Variants in SDK1 observed in about 807,000 individuals in gnomAD.
SDK1 encodes protein sidekick-1.
In SDK1, 157 loss-of-function variants were observed where a neutral mutation model predicts 245.5. That is an observed-to-expected ratio of 0.64 (90% confidence interval 0.56 to 0.73). The LOEUF (loss-of-function observed/expected upper bound fraction) is 0.73. Ranked by LOEUF, SDK1 falls within the 30% of genes least tolerant of loss-of-function variation. The pLI is 0.00. For synonymous variants in SDK1, 1,647 were observed against 1,278.5 expected, an observed-to-expected ratio of 1.29 and a Z score of -6.15; for missense variants, 3,583 against 3,002.3, an observed-to-expected ratio of 1.19 and a Z score of -4.52.
At chr7:4,137,468 T>C (rs993838954) in intron 28 of SDK1, among the ~76,000 whole-genome samples, 4 of 152,208 alleles carry the variant, frequency 2.6e-5, no homozygotes, top group African/African-American at 9.7e-5. Flanking sequence ...TGGACGGTTC[T>C]GGAACTTGTC....
At position 4,208,387 on chromosome 7, in the gene SDK1, C is replaced by T. The variant is rs536007486; in HGVS notation, c.5401+102C>T. 27 of 1,024,136 alleles carry T rather than the reference C, an allele frequency of 2.6e-5. No individual in the cohort carries two copies. The East Asian group carries it at 2.8e-4, about 11-fold the overall frequency. The allele number at this position is 1,024,136 out of a possible 1,614,324, so 63.4% of individuals were successfully genotyped here. A position where few individuals can be genotyped will look rare whatever the true frequency, so the allele number is the denominator to read the frequency against. On this transcript the variant is annotated intron_variant, in intron 37 of 44. Coordinates refer to ENST00000404826, the MANE Select transcript of SDK1 (RefSeq NM_152744.4). ...CACAGTGGTTCCCGGCCCGCCCAGG[C>T]GGAAGGCAACACCTTTTGAGTAGCT...
chr7:3,859,648 C>G (rs1780638906), intron 5 of SDK1, among the ~76,000 whole-genome samples: 1 of 152,172 alleles, frequency 6.6e-6, no homozygotes. Flanking sequence ...AAAATTCCTT[C>G]TCTTTTGTCT....
At chr7:3,430,941 C>A (rs1338819912) in intron 1 of SDK1, among the ~76,000 whole-genome samples, 1 of 152,224 alleles carries the variant, frequency 6.6e-6, no homozygotes, top group Non-Finnish European at 1.5e-5. Flanking sequence ...CGCTCTGTTG[C>A]TCAGGATGGA....
intron 5 of SDK1, among the ~76,000 whole-genome samples, chr7:3,932,735 G>C (rs2128118081): frequency 6.6e-6 from 1 of 152,310 alleles, no homozygotes; most frequent in African/African-American, 2.4e-5. Context: ...CCCTGTGCCT[G>C]GCTCGTTCTG....
At chr7:4,053,838 A>G (rs1188641433) in intron 19 of SDK1, among the ~76,000 whole-genome samples, 1 of 152,046 alleles carries the variant, frequency 6.6e-6, no homozygotes, top group East Asian at 1.9e-4. Flanking sequence ...AGTTCTTCCC[A>G]TACTCTGCCT....
At chr7:4,039,208 C>T (rs990983712) in intron 17 of SDK1, among the ~76,000 whole-genome samples, 9 of 151,678 alleles carry the variant, frequency 5.9e-5, no homozygotes, top group Non-Finnish European at 8.8e-5. Context: ...TGTTAAATGA[C>T]GAGTTAATGG....
chr7:4,248,339 A>G (rs1213608790), intron 44 of SDK1, among the ~76,000 whole-genome samples: 2 of 127,836 alleles, frequency 1.6e-5, no homozygotes, highest in Admixed American at 7.7e-5. Context: ...TATACACCTG[A>G]ATACATGCAC....
chr7:3,468,573 A>G (rs1187455044), intron 1 of SDK1, among the ~76,000 whole-genome samples: 1 of 152,160 alleles, frequency 6.6e-6, no homozygotes, highest in Non-Finnish European at 1.5e-5. Context: ...TGTCTGACCT[A>G]CGGTGTTTGA....
intron 4 of SDK1, among the ~76,000 whole-genome samples, chr7:3,679,837 CAG>C (rs1784044214): frequency 6.6e-6 from 1 of 152,188 alleles, no homozygotes; most frequent in South Asian, 2.1e-4. Flanking sequence ...CTCTGAGAAA[CAG>C]TGTGGCAGTT....
chr7:3,531,271 A>C (rs1416539517), intron 1 of SDK1, among the ~76,000 whole-genome samples: 1 of 152,192 alleles, frequency 6.6e-6, no homozygotes, highest in Non-Finnish European at 1.5e-5. Context: ...TCTGTACGCT[A>C]TGCTAATGCT....
intron 1 of SDK1, among the ~76,000 whole-genome samples, chr7:3,536,585 T>G (rs1778893909): frequency 6.6e-6 from 1 of 151,934 alleles, no homozygotes; most frequent in Non-Finnish European, 1.5e-5. Flanking sequence ...TCCCAGCTAC[T>G]TGGGAGGCTG....
At chr7:4,112,030 A>G (rs192586584) in intron 23 of SDK1, among the ~76,000 whole-genome samples, 57 of 152,320 alleles carry the variant, frequency 3.7e-4, no homozygotes, top group Non-Finnish European at 7.4e-5. Flanking sequence ...GTTACCTGAC[A>G]AAGTTTATTC....
intron 4 of SDK1, among the ~76,000 whole-genome samples, chr7:3,653,298 A>G (rs1295433161): frequency 2.0e-5 from 3 of 152,088 alleles, no homozygotes; most frequent in Non-Finnish European, 4.4e-5. Flanking sequence ...TCCAGGGTCC[A>G]CGTGTAAGCT....
chr7:3,893,429 G>A (rs992711504), intron 5 of SDK1, among the ~76,000 whole-genome samples: 1 of 151,898 alleles, frequency 6.6e-6, no homozygotes. Context: ...TTTGTTGTGG[G>A]GATAAATGAG....
At chr7:3,595,116 C>G (rs1781009578) in intron 1 of SDK1, among the ~76,000 whole-genome samples, 1 of 152,082 alleles carries the variant, frequency 6.6e-6, no homozygotes, top group Non-Finnish European at 1.5e-5. Context: ...TCAGATGCAG[C>G]CAATTTTCTC....
intron 4 of SDK1, among the ~76,000 whole-genome samples, chr7:3,695,487 G>A (rs1784544815): frequency 6.6e-6 from 1 of 152,006 alleles, no homozygotes; most frequent in African/African-American, 2.4e-5. Flanking sequence ...TTGATAAGCT[G>A]CTTTGTAAAG....
At chr7:4,238,879 T>G (rs1019033341) in intron 42 of SDK1, among the ~76,000 whole-genome samples, 1 of 151,566 alleles carries the variant, frequency 6.6e-6, no homozygotes, top group African/African-American at 2.4e-5. Flanking sequence ...AAAAAAAGTA[T>G]AGAGCATTAA....
At chr7:4,094,546 G>GTAGGAAAGAGAGACT (rs1210876614) in intron 22 of SDK1, among the ~76,000 whole-genome samples, 5 of 152,224 alleles carry the variant, frequency 3.3e-5, no homozygotes, top group African/African-American at 1.2e-4. Context: ...CCTTCAGTGA[G>GTAGGAAAGAGAGACT]TAGGAAAGAG....
chr7:4,219,387 C>G (rs1167971217), intron 38 of SDK1, among the ~76,000 whole-genome samples: 1 of 152,214 alleles, frequency 6.6e-6, no homozygotes, highest in South Asian at 2.1e-4. Context: ...ATTTAATGGA[C>G]TCACAGTTCC....
Sources: gnomAD v4.1 joint callset for allele counts (sites outside exome capture counted in the v4.1 genomes callset) on GRCh38, gnomAD v4.1.1 for gene constraint, MANE v1.5 for transcripts, NCBI Gene and HGNC (gene_info 2026-07-23, HGNC 2026-07-21) for gene names.